PKD2L2: variants seen among roughly 807,000 people sequenced by gnomAD.
PKD2L2 encodes the protein polycystin-2-like protein 2.
PKD2L2 carries 67 observed loss-of-function variants against 83.9 expected under a neutral mutation model. The observed-to-expected ratio is 0.80, with a 90% CI of 0.66 to 0.98. The LOEUF (loss-of-function observed/expected upper bound fraction) is 0.98, where lower values mean the gene tolerates loss of function less well. Among genes scored for constraint, PKD2L2 ranks in the 50% least tolerant of loss-of-function variants. PKD2L2 has a pLI of 0.00. For synonymous variants in PKD2L2, 223 were observed against 237.8 expected (o/e 0.94, Z 0.57); for missense variants, 632 against 717.2 (o/e 0.88, Z 1.36).
In PKD2L2 at chr5:137,936,565, C is replaced by T. The variant is rs1014225269; in HGVS notation, c.*17+138C>T. On this transcript the variant is annotated intron_variant, in intron 14 of 14. Coordinates refer to ENST00000508883, the MANE Select transcript of PKD2L2 (RefSeq NM_001300921.2). ...CCACCTCCCGGGTTCAAGCGATTCTCCTGCCTCAGCCTCCCGAGTAGCTGG... is the reference window on the plus strand; with the variant it reads ...CCACCTCCCGGGTTCAAGCGATTCTTCTGCCTCAGCCTCCCGAGTAGCTGG... 6.6e-5 allele frequency: 37 copies of T among 563,938 alleles called. No individual in the cohort carries two copies. In the Middle Eastern group the frequency reaches 2.5e-3, roughly 39 times the overall value. The allele number at this position is 563,938 out of a possible 1,614,324, so 34.9% of individuals were successfully genotyped here. A position where few individuals can be genotyped will look rare whatever the true frequency, so the allele number is the denominator to read the frequency against.
intron 8 of PKD2L2, 95 bp downstream of exon 8, chr5:137,909,041 C>G (rs1580927159): frequency 1.5e-6 from 1 of 664,746 alleles, no homozygotes; most frequent in East Asian, 3.0e-5. Flanking sequence ...GTAATATAAG[C>G]TTTAATATAT....
intron 12 of PKD2L2, among the ~76,000 whole-genome samples, chr5:137,928,952 T>C (rs1253753241): frequency 6.6e-6 from 1 of 152,224 alleles, no homozygotes; most frequent in Non-Finnish European, 1.5e-5. Context: ...TAATTAATGG[T>C]CAAAGTTTAA....
chr5:137,932,010 C>T (rs1037672030), intron 12 of PKD2L2, among the ~76,000 whole-genome samples: 1 of 151,782 alleles, frequency 6.6e-6, no homozygotes, highest in African/African-American at 2.4e-5. Context: ...TAGAAAATGC[C>T]CAGCAATTAA....
intron 4 of PKD2L2, among the ~76,000 whole-genome samples, chr5:137,897,033 ATATTATTATTATTATTATTATTAT>A (rs10536140): frequency 7.3e-6 from 1 of 137,042 alleles, no homozygotes; most frequent in Non-Finnish European, 1.6e-5. Flanking sequence ...ATACATTATT[ATATTATTATTATTATTATTATTAT>A]TATTATTATT....
chr5:137,916,475 CTTTTTTTTTTTT>C (rs1169529107), intron 8 of PKD2L2, among the ~76,000 whole-genome samples: 4 of 93,216 alleles, frequency 4.3e-5, no homozygotes, highest in African/African-American at 8.3e-5. Flanking sequence ...CACTTTTCTT[CTTTTTTTTTTTT>C]TTTTTTTTTT....
At position 137,921,732 on chromosome 5, in the gene PKD2L2, CTTT is replaced by C. The variant is rs754026213; in HGVS notation, c.1429_1431del (p.Phe477del). The stretch of plus-strand genomic sequence containing the variant: ...GACCCATTTACTTCATCACTTTCAT[CTTT>C]TTTGTGTTCTTTGTCCTGCTGGTAA... On this transcript the variant is annotated inframe_deletion, in exon 9 of 15. Transcript: ENST00000508883. The C allele has an allele frequency of 6.2e-7, 1 of 1,607,742 alleles. No individual in the cohort carries two copies. The highest frequency in any genetic ancestry group is 1.3e-5 in the African/African-American group (1 of 74,804).
intron 5 of PKD2L2, among the ~76,000 whole-genome samples, chr5:137,903,767 T>G (rs1410704815): frequency 6.6e-6 from 1 of 152,180 alleles, no homozygotes; most frequent in Non-Finnish European, 1.5e-5. Context: ...TATTTTTAAT[T>G]TAATTTTTGA....
chr5:137,941,907 GAAGA>G, intron 14 of PKD2L2: 1 of 1,508,124 alleles, frequency 6.6e-7, no homozygotes, highest in Non-Finnish European at 9.2e-7. Context: ...GTGAGTTAGA[GAAGA>G]AAGATGACTC....
intron 14 of PKD2L2, among the ~76,000 whole-genome samples, chr5:137,936,714 C>T (rs2150068961): frequency 6.6e-6 from 1 of 152,370 alleles, no homozygotes; most frequent in East Asian, 1.9e-4. Context: ...CTTGGCCTCC[C>T]AAAGTGCTGG....
intron 10 of PKD2L2, among the ~76,000 whole-genome samples, chr5:137,924,245 A>T (rs1255544196): frequency 1.3e-5 from 2 of 152,138 alleles, no homozygotes; most frequent in African/African-American, 4.8e-5. Flanking sequence ...CAAATCCTCA[A>T]GTCTCACAGT....
chr5:137,913,061 G>A (rs1376327869), intron 8 of PKD2L2, among the ~76,000 whole-genome samples: 1 of 151,454 alleles, frequency 6.6e-6, no homozygotes, highest in East Asian at 1.9e-4. Context: ...TTTTAGTGGA[G>A]ATGGGGTTTC....
chr5:137,895,555 G>A (rs956250114), intron 4 of PKD2L2, among the ~76,000 whole-genome samples: 1 of 151,326 alleles, frequency 6.6e-6, no homozygotes, highest in Non-Finnish European at 1.5e-5. Flanking sequence ...CACAGAAGCT[G>A]CTGGTATCAG....
chr5:137,890,575 A>G lies in PKD2L2; in HGVS notation c.126A>G (p.Leu42=). The change falls in exon 2 of 15, where the codon CTA becomes CTG. Residue 42 remains leucine, a synonymous_variant. Transcript: ENST00000508883. Reference sequence around the variant, plus strand: ...TCTACTTTATTTTTTTAATAAACCTATGTATATGTAAGTACACAGATATAA... The same window carrying G: ...TCTACTTTATTTTTTTAATAAACCTGTGTATATGTAAGTACACAGATATAA... The part of the protein sequence containing the change: ...LLLYFIFLIN[L]CILTFGMVNP... 1 of 1,305,606 alleles carries G rather than the reference A, an allele frequency of 7.7e-7. No individual in the cohort carries two copies. The highest frequency in any genetic ancestry group is 1.1e-6 in the Non-Finnish European group (1 of 917,588). The allele number at this position is 1,305,606 out of a possible 1,614,324, so 80.9% of individuals were successfully genotyped here.
At position 137,899,908 on chromosome 5, in the gene PKD2L2, G is replaced by T. The variant is rs181330664; in HGVS notation, c.746+171G>T. Among the ~76,000 whole-genome samples the T allele has an allele frequency of 5.1e-3, 771 of 151,626 alleles. 5 individuals carry two copies. The highest frequency in any genetic ancestry group is 9.0e-3 in the Non-Finnish European group (608 of 67,910). ...ATGTTTTGAACCTTTGTGACAATTT[G>T]AAAAAACTCCCAGACAAACCATGTA... On this transcript the variant is annotated intron_variant, in intron 5 of 14. Transcript: ENST00000508883.
intron 8 of PKD2L2, among the ~76,000 whole-genome samples, chr5:137,910,385 G>A (rs988193903): frequency 5.3e-5 from 8 of 152,050 alleles, no homozygotes; most frequent in Non-Finnish European, 1.0e-4. Flanking sequence ...CACAGAACAG[G>A]TAGAGAACTT....
intron 12 of PKD2L2, among the ~76,000 whole-genome samples, chr5:137,930,060 G>C (rs1055549807): frequency 6.6e-6 from 1 of 151,748 alleles, no homozygotes; most frequent in Non-Finnish European, 1.5e-5. Context: ...AGGAGAAATA[G>C]GAACACACAA....
intron 9 of PKD2L2, among the ~76,000 whole-genome samples, chr5:137,922,113 T>C (rs1758959275): frequency 1.3e-5 from 2 of 152,268 alleles, no homozygotes; most frequent in Non-Finnish European, 1.5e-5. Context: ...AGCTAAACAC[T>C]TACCACGTTG....
chr5:137,899,410 C>T, intron 4 of PKD2L2, 106 bp from the exon 5 acceptor site: 1 of 782,412 alleles, frequency 1.3e-6, no homozygotes, highest in South Asian at 1.8e-5. Flanking sequence ...AGCCAGCGCA[C>T]TTGGCCAAAA....
chr5:137,895,585 T>C (rs1756384394), intron 4 of PKD2L2, among the ~76,000 whole-genome samples: 3 of 152,020 alleles, frequency 2.0e-5, no homozygotes, highest in African/African-American at 7.2e-5. Context: ...CACTTTGTGC[T>C]TTTAGAGCTT....
Sources: allele counts gnomAD v4.1 joint callset (sites outside exome capture counted in the v4.1 genomes callset), GRCh38; gene constraint gnomAD v4.1.1; transcripts MANE v1.5; gene names NCBI Gene and HGNC (gene_info 2026-07-23, HGNC 2026-07-21).